Variants in GLIS3 observed in about 807,000 individuals in gnomAD.
GLIS3 encodes the protein GLIS family zinc finger 3.
In GLIS3, 53 loss-of-function variants were observed where a neutral mutation model predicts 78.6. The ratio of observed to expected loss-of-function variants is 0.67; its 90% CI spans 0.54 to 0.85. GLIS3 has a LOEUF of 0.85. Ranked by LOEUF, GLIS3 falls within the 40% of genes least tolerant of loss-of-function variation. The pLI, the probability that GLIS3 is intolerant of heterozygous loss-of-function variation, is 0.00. For missense variants in GLIS3, 1,703 were observed against 1,231.1 expected (o/e 1.38, Z -5.74); for synonymous variants, 684 against 509.9 (o/e 1.34, Z -4.60).
chr9:4,429,659 C>A, the GLIS3 span, among the ~76,000 whole-genome samples: 1 of 152,140 alleles, frequency 6.6e-6, no homozygotes, highest in South Asian at 2.1e-4. Flanking sequence ...CCCAGTAGCA[C>A]TGCAAGGTTC....
intron 4 of GLIS3, among the ~76,000 whole-genome samples, chr9:4,101,104 C>T (rs1286452864): frequency 6.6e-6 from 1 of 152,224 alleles, no homozygotes; most frequent in African/African-American, 2.4e-5. Flanking sequence ...AAACCAACAA[C>T]CCTGGGTCCT....
At chr9:3,955,757 T>C (rs1039090454) in intron 4 of GLIS3, among the ~76,000 whole-genome samples, 4 of 152,160 alleles carry the variant, frequency 2.6e-5, no homozygotes, top group East Asian at 1.9e-4. Context: ...CGATAAATTA[T>C]AGTTAAGGAT....
intron 2 of GLIS3, among the ~76,000 whole-genome samples, chr9:4,173,938 G>A (rs539074129): frequency 3.1e-4 from 46 of 148,752 alleles, no homozygotes; most frequent in African/African-American, 9.2e-4. Flanking sequence ...ACACACGCAC[G>A]CACGCACACA....
At chr9:4,270,814 G>A (rs1460763164) in intron 2 of GLIS3, among the ~76,000 whole-genome samples, 1 of 152,024 alleles carries the variant, frequency 6.6e-6, no homozygotes, top group African/African-American at 2.4e-5. Context: ...GACTGCAGAT[G>A]GTAAGACTTC....
At chr9:4,462,467 G>A in the GLIS3 span, among the ~76,000 whole-genome samples, 1 of 152,068 alleles carries the variant, frequency 6.6e-6, no homozygotes, top group Non-Finnish European at 1.5e-5. Flanking sequence ...TAAAAAGAAG[G>A]AGATGGCCAG....
At chr9:4,335,159 T>C (rs1210813667) in intron 2 of GLIS3, among the ~76,000 whole-genome samples, 3 of 152,074 alleles carry the variant, frequency 2.0e-5, no homozygotes, top group Non-Finnish European at 1.5e-5. Context: ...CCACCCGCCT[T>C]GGCATCCCAA....
At chr9:4,379,729 C>A in the GLIS3 span, among the ~76,000 whole-genome samples, 5 of 152,346 alleles carry the variant, frequency 3.3e-5, no homozygotes, top group East Asian at 9.6e-4. Context: ...AAAACATATT[C>A]ATTCGCAGTG....
intron 2 of GLIS3, among the ~76,000 whole-genome samples, chr9:4,338,762 A>G (rs547750980): frequency 1.3e-5 from 2 of 152,300 alleles, no homozygotes; most frequent in African/African-American, 2.4e-5. Context: ...TAGAGGAACC[A>G]AAAATATAGC....
intron 9 of GLIS3, among the ~76,000 whole-genome samples, chr9:3,836,307 A>G (rs563672484): frequency 6.6e-6 from 1 of 152,362 alleles, no homozygotes; most frequent in South Asian, 2.1e-4. Flanking sequence ...GGAAGGATGT[A>G]TATTTATGAG....
intron 2 of GLIS3, among the ~76,000 whole-genome samples, chr9:4,226,416 A>C (rs879294481): frequency 6.6e-6 from 1 of 152,196 alleles, no homozygotes; most frequent in Non-Finnish European, 1.5e-5. Flanking sequence ...AGAAACTACC[A>C]ACAGAGACAA....
chr9:4,441,510 A>G, the GLIS3 span, among the ~76,000 whole-genome samples: 5 of 152,210 alleles, frequency 3.3e-5, no homozygotes, highest in African/African-American at 1.2e-4. Context: ...AAGATGGTAA[A>G]TAATCTTCTC....
In GLIS3 at chr9:4,288,691, A is replaced by T. The variant is rs893528218; in HGVS notation, c.-98-2168T>A. On this transcript the variant is annotated intron_variant, in intron 1 of 10. Coordinates refer to ENST00000381971, the MANE Select transcript of GLIS3 (RefSeq NM_001042413.2). ...TTGGAATGAATATTTATTTTATTTTATTTTTTTTATAAACTACACTCCCGT... is the reference window on the plus strand; with the variant it reads ...TTGGAATGAATATTTATTTTATTTTTTTTTTTTTATAAACTACACTCCCGT... Among the ~76,000 whole-genome samples, 13 of 151,938 alleles carry T rather than the reference A, an allele frequency of 8.6e-5. No individual in the cohort carries two copies. The East Asian group carries it at 9.7e-4, about 11-fold the overall frequency.
chr9:4,171,727 G>A (rs1375315853), intron 2 of GLIS3, among the ~76,000 whole-genome samples: 1 of 152,084 alleles, frequency 6.6e-6, no homozygotes. Flanking sequence ...CTTTTGATAT[G>A]GATTAAGCTT....
intron 4 of GLIS3, among the ~76,000 whole-genome samples, chr9:4,101,556 G>A (rs1057045490): frequency 3.3e-5 from 5 of 152,132 alleles, no homozygotes; most frequent in Admixed American, 1.3e-4. Flanking sequence ...GGTAGAACAC[G>A]TTAGCTAAAC....
chr9:4,466,737 T>C, the GLIS3 span, among the ~76,000 whole-genome samples: 1 of 152,148 alleles, frequency 6.6e-6, no homozygotes, highest in South Asian at 2.1e-4. Context: ...AGATGGGTGA[T>C]TTCTGCATTT....
chr9:4,065,058 G>C (rs1184832841), intron 4 of GLIS3, among the ~76,000 whole-genome samples: 5 of 152,138 alleles, frequency 3.3e-5, no homozygotes, highest in Non-Finnish European at 7.4e-5. Flanking sequence ...AACTACAAAA[G>C]GCCAATGACT....
chr9:4,442,956 C>T, the GLIS3 span, among the ~76,000 whole-genome samples: 1 of 152,096 alleles, frequency 6.6e-6, no homozygotes, highest in South Asian at 2.1e-4. Flanking sequence ...CAAATCAAGG[C>T]ACTGAGTCAG....
chr9:4,163,279 C>T (rs538713703), intron 2 of GLIS3, among the ~76,000 whole-genome samples: 16 of 152,298 alleles, frequency 1.1e-4, no homozygotes, highest in Non-Finnish European at 1.6e-4. Flanking sequence ...CGCGCACGCG[C>T]GCACACATAC....
chr9:4,232,793 T>C (rs1475860479), intron 2 of GLIS3, among the ~76,000 whole-genome samples: 2 of 152,196 alleles, frequency 1.3e-5, no homozygotes, highest in Non-Finnish European at 2.9e-5. Context: ...TTTTTCCTCC[T>C]AAAATGTCCA....
Sources: gnomAD v4.1 joint callset for allele counts (sites outside exome capture counted in the v4.1 genomes callset) on GRCh38, gnomAD v4.1.1 for gene constraint, MANE v1.5 for transcripts, NCBI Gene and HGNC (gene_info 2026-07-23, HGNC 2026-07-21) for gene names.